Variants in HYOU1 observed in about 807,000 individuals in gnomAD.
The protein encoded by HYOU1 is hypoxia up-regulated protein 1.
A neutral mutation model predicts 120.5 loss-of-function variants in HYOU1; 40 were observed. That is an observed-to-expected ratio of 0.33 (90% confidence interval 0.26 to 0.43). The LOEUF is 0.43. HYOU1 is among the 20% of genes least tolerant of loss of function. HYOU1 has a pLI of 1.00. For synonymous variants in HYOU1, 501 were observed against 479.4 expected, an observed-to-expected ratio of 1.05 and a Z score of -0.59; for missense variants, 1,085 against 1,278.3, an observed-to-expected ratio of 0.85 and a Z score of 2.31.
rs2133573879 is a variant in HYOU1 at position 119,049,538 on chromosome 11, G to C, written c.1806+18C>G. The C allele has an allele frequency of 1.9e-6, 3 of 1,612,924 alleles. No homozygotes were observed. The highest frequency in any genetic ancestry group is 1.7e-6 in the Non-Finnish European group (2 of 1,179,114). ...CCCCACCGTCCTCCATGCTTCCCTG[G>C]CTCCATCCTGAACTCACCTGGACAG... On this transcript the variant is annotated intron_variant, in intron 16 of 25. Coordinates refer to ENST00000617285, the MANE Select transcript of HYOU1 (RefSeq NM_006389.5).
In HYOU1 at chr11:119,056,559, C is replaced by A. The variant is rs1352966329; in HGVS notation, c.-7-392G>T. 50 of 369,310 alleles carry A rather than the reference C, an allele frequency of 1.4e-4. 1 individual carries two copies. Among genetic ancestry groups the A allele is most frequent in the South Asian group, 9.9e-4 (48 of 48,318 alleles). The allele number at this position is 369,310 out of a possible 1,614,324, so 22.9% of individuals were successfully genotyped here. A position where few individuals can be genotyped will look rare whatever the true frequency, so the allele number is the denominator to read the frequency against. ...CCCAGGGCTCAACCACCTCCCCACA[C>A]CTGGAGCTCCCCCGCTGACGGGGAA... On this transcript the variant is annotated intron_variant, in intron 1 of 25. Transcript: ENST00000617285.
Position 119,055,522 on chromosome 11 carries a change from T to G in HYOU1, c.235A>C (p.Arg79=). The G allele has an allele frequency of 6.2e-7, 1 of 1,614,090 alleles. No homozygotes were observed. The highest frequency in any genetic ancestry group is 8.5e-7 in the Non-Finnish European group (1 of 1,180,014). The change falls in exon 4 of 26, where the codon AGA becomes CGA. Residue 79 remains arginine (R), a synonymous_variant. Transcript: ENST00000617285. This position sits in a 1 kb window ranked among gnomAD's most constrained non-coding sequence, Gnocchi z 4.0. ...CTTGCTGCACTGTCTCCAAAGAATC[T>G]TTCATTTTCTTTCAGGGTCACGATC... ...PVIVTLKENE[R]FFGDSAASMA...
Position 119,049,180 on chromosome 11 carries a change from C to T in HYOU1, c.1830G>A (p.Glu610=), listed in dbSNP as rs112170569. Residue 610 remains glutamate (E), a synonymous_variant, in exon 17 of 26, where the codon GAG becomes GAA. Coordinates refer to ENST00000617285, the MANE Select transcript of HYOU1 (RefSeq NM_006389.5). The part of the protein sequence containing the change: ...TVQEEEESPA[E]GSKDEPGEQV... Reference sequence around the variant, plus strand: ...GCTCCCCAGGCTCGTCCTTGCTCCCCTCTGCAGGGCTCTCCTCTTCCTCCT... The same window carrying T: ...GCTCCCCAGGCTCGTCCTTGCTCCCTTCTGCAGGGCTCTCCTCTTCCTCCT... 7 of 1,601,240 alleles carry T rather than the reference C, an allele frequency of 4.4e-6. No homozygotes were observed. Among genetic ancestry groups the T allele is most frequent in the Middle Eastern group, 1.7e-4 (1 of 5,990 alleles).
At chr11:119,056,448 C>G (rs547638914) in intron 1 of HYOU1, 1 of 516,522 alleles carries the variant, frequency 1.9e-6, no homozygotes, top group Admixed American at 2.3e-5. Context: ...GAGACCCGAG[C>G]CTTTTGTCCA....
rs1448391432 is a variant in HYOU1, at chr11:119,048,546, A to C, written c.2183T>G (p.Leu728Arg). The part of the protein sequence containing the change: ...QSVQKLQDLT[L>R]RDLEKQEREK... ...CCGTTCCTGCTTCTCCAGGTCTCGG[A>C]GTGTCAAGTCCTGAAGTCTATGGGA... Residue 728 changes from leucine to arginine, a missense_variant, in exon 19 of 26, where the codon CTC becomes CGC. By Grantham distance (102) the Leu-to-Arg change is moderately radical. Coordinates refer to ENST00000617285, the MANE Select transcript of HYOU1 (RefSeq NM_006389.5). This position sits in a 1 kb window ranked among gnomAD's most constrained non-coding sequence, Gnocchi z 4.7. 1 of 1,613,810 alleles carries C rather than the reference A, an allele frequency of 6.2e-7. No individual in the cohort carries two copies. The highest frequency in any genetic ancestry group is 8.5e-7 in the Non-Finnish European group (1 of 1,179,992).
In HYOU1 at chr11:119,051,004, C is replaced by T; in HGVS notation, c.1665+31G>A. 6.2e-7 allele frequency: 1 copy of T among 1,613,090 alleles called. No homozygotes were observed. Among genetic ancestry groups the T allele is most frequent in the Non-Finnish European group, 8.5e-7 (1 of 1,179,340 alleles). On this transcript the variant is annotated intron_variant, in intron 14 of 25. Transcript: ENST00000617285. The surrounding 1 kb of genome is among the most constrained non-coding windows in gnomAD (Gnocchi z 4.2). ...ATGGCTGGCAGGGCCTGAGCCCCTG[C>T]TCTGCACACAGGGTATCCTTTAGCT...
intron 24 of HYOU1, 83 bp from the exon 25 acceptor site, chr11:119,045,914 C>G (rs1944039531): frequency 7.4e-7 from 1 of 1,344,846 alleles, no homozygotes; most frequent in Non-Finnish European, 1.1e-6. Flanking sequence ...CCATGAAGAG[C>G]CAGCTAGTAA....
At chr11:119,050,445 C>T (rs2133578801) in intron 14 of HYOU1, among the ~76,000 whole-genome samples, 6 of 151,940 alleles carry the variant, frequency 3.9e-5, no homozygotes, top group African/African-American at 9.7e-5. Context: ...CCTGAGGCTG[C>T]GTGGCTCCCA....
In HYOU1 at chr11:119,045,166, GC is replaced by G; in HGVS notation, c.*426del. 1 of 458,266 alleles carries G rather than the reference GC, an allele frequency of 2.2e-6. No individual in the cohort carries two copies. Among genetic ancestry groups the G allele is most frequent in the South Asian group, 1.5e-5 (1 of 64,536 alleles). The allele number at this position is 458,266 out of a possible 1,614,324, so 28.4% of individuals were successfully genotyped here. ...TCTGCAGACACTGGCCTGAAAGGAT[GC>G]TCATCGCATGGTGGGAGAGGAAGGG... On this transcript the variant is annotated 3_prime_UTR_variant, in exon 26 of 26. Coordinates refer to ENST00000617285, the MANE Select transcript of HYOU1 (RefSeq NM_006389.5).
chr11:119,052,423 C>T lies in HYOU1; in HGVS notation c.994G>A (p.Gly332Ser), dbSNP rs1270726892. The T allele has an allele frequency of 5.0e-6, 8 of 1,614,202 alleles. No homozygotes were observed. In the Admixed American group the frequency reaches 1.2e-4, roughly 24 times the overall value. The change falls in exon 10 of 26, where the codon GGC becomes AGC. Residue 332 changes from glycine to serine, a missense_variant. Physicochemically the swap from Gly to Ser is moderately conservative, Grantham distance 56. Transcript: ENST00000617285. This position sits in a 1 kb window ranked among gnomAD's most constrained non-coding sequence, Gnocchi z 5.0. The part of the protein sequence containing the change: ...ANADHMAQIE[G>S]LMDDVDFKAK... The stretch of plus-strand genomic sequence containing the variant: ...TTGAAGTCCACATCATCCATCAGGC[C>T]TTCAATCTGGGAGAGGATGGGGACT...
Position 119,055,465 on chromosome 11 carries a change from A to G in HYOU1, c.264+28T>C, listed in dbSNP as rs1035045056. On this transcript the variant is annotated intron_variant, in intron 4 of 25. Coordinates refer to ENST00000617285, the MANE Select transcript of HYOU1 (RefSeq NM_006389.5). The surrounding 1 kb of genome is among the most constrained non-coding windows in gnomAD (Gnocchi z 4.0). ...TGCCATCTCCTCTCCTCTGCCCACC[A>G]CTCTGGGAAGAGGGACTGCTAGCTC... 1 of 1,605,970 alleles carries G rather than the reference A, an allele frequency of 6.2e-7. No individual in the cohort carries two copies. The highest frequency in any genetic ancestry group is 1.3e-5 in the African/African-American group (1 of 74,598).
chr11:119,055,544 G>A lies in HYOU1; in HGVS notation c.213C>T (p.Ile71=), dbSNP rs2133614064. ...ATCTTTCATTTTCTTTCAGGGTCAC[G>A]ATCACCGGTGTTTTCCTCCGAGATT... is the stretch of plus-strand genomic sequence containing the variant. ...NKESRRKTPV[I]VTLKENERFF... is the part of the protein sequence containing the mutation. The change falls in exon 4 of 26, where the codon ATC becomes ATT. Residue 71 remains isoleucine (I), a synonymous_variant. Coordinates refer to ENST00000617285, the MANE Select transcript of HYOU1 (RefSeq NM_006389.5). The surrounding 1 kb of genome is among the most constrained non-coding windows in gnomAD (Gnocchi z 4.0). 63 of 1,613,998 alleles carry A rather than the reference G, an allele frequency of 3.9e-5. No homozygotes were observed. The highest frequency in any genetic ancestry group is 1.9e-4 in the African/African-American group (14 of 74,986).
rs2133556287 is a variant in HYOU1 at position 119,047,336 on chromosome 11, C to T, written c.2595+398G>A. 7 of 223,358 alleles carry T rather than the reference C, an allele frequency of 3.1e-5. No individual in the cohort carries two copies. In the East Asian group the frequency reaches 6.1e-4, roughly 19 times the overall value. 13.8% of individuals were successfully genotyped at this position (223,358 alleles called of 1,614,324 possible). On this transcript the variant is annotated intron_variant, in intron 22 of 25. Coordinates refer to ENST00000617285, the MANE Select transcript of HYOU1 (RefSeq NM_006389.5). ...TGCTGGGATTACAGGCGTGAGCCAC[C>T]GCGCCCAGCTGAATACTCATTTCTT...
At chr11:119,053,960 TC>T in intron 8 of HYOU1, 160 bp downstream of exon 8, 1 of 567,298 alleles carries the variant, frequency 1.8e-6, no homozygotes, top group Non-Finnish European at 3.1e-6. Context: ...AGCCTCAGCT[TC>T]CCCTTACTCT....
In HYOU1 at chr11:119,049,828, C is replaced by T. The variant is rs116878385; in HGVS notation, c.1675G>A (p.Val559Ile). The change falls in exon 15 of 26, where the codon GTA (valine) becomes ATA (isoleucine). Residue 559 changes from valine (V) to isoleucine (I), a missense_variant. Around this residue, in one of 4 missense-constraint regions of HYOU1, gnomAD observed 515 missense variants for 677.8 expected, o/e 0.76. Coordinates refer to ENST00000617285, the MANE Select transcript of HYOU1 (RefSeq NM_006389.5). ...CTGTCCTCTACCAGTGTCTCAAATA[C>T]AGACTCCACCTGAAAACAGGTTCAA... ...GVLSLDRVES[V>I]FETLVEDSAE... 9.0e-4 allele frequency: 1,458 copies of T among 1,614,014 alleles called. 15 individuals carry two copies. The East Asian group carries it at 0.018, about 20-fold the overall frequency.
At position 119,045,255 on chromosome 11, in the gene HYOU1, A is replaced by T; in HGVS notation, c.*338T>A. ...CCAGCAACCTGATACCCTTCCCATC[A>T]CCGGGACCCATCAGCCACTGGCAGC... On this transcript the variant is annotated 3_prime_UTR_variant, in exon 26 of 26. Coordinates refer to ENST00000617285, the MANE Select transcript of HYOU1 (RefSeq NM_006389.5). 1 of 501,826 alleles carries T rather than the reference A, an allele frequency of 2.0e-6. No individual in the cohort carries two copies. The highest frequency in any genetic ancestry group is 3.9e-6 in the Non-Finnish European group (1 of 254,774). The allele number at this position is 501,826 out of a possible 1,614,324, so 31.1% of individuals were successfully genotyped here. A position where few individuals can be genotyped will look rare whatever the true frequency, so the allele number is the denominator to read the frequency against.
rs2133560182 is a variant in HYOU1 at position 119,047,999 on chromosome 11, C to G, written c.2458G>C (p.Glu820Gln). The stretch of plus-strand genomic sequence containing the variant: ...AGATTATCGAGGGCAGACAGCCGTT[C>G]GGGCCACTTCTTGCGCTCCTCTACC... ...FRVEERKKWP[E>Q]RLSALDNLLN... is the part of the protein sequence containing the mutation. Residue 820 changes from glutamate (E) to glutamine (Q), a missense_variant, in exon 21 of 26, where the codon GAA becomes CAA. Glu to Gln is a conservative substitution (Grantham distance 29). Transcript: ENST00000617285. 1 of 1,614,046 alleles carries G rather than the reference C, an allele frequency of 6.2e-7. No individual in the cohort carries two copies. The highest frequency in any genetic ancestry group is 2.2e-5 in the East Asian group (1 of 44,886).
intron 8 of HYOU1, chr11:119,053,038 C>T (rs949702632): frequency 1.3e-5 from 7 of 543,798 alleles, no homozygotes; most frequent in South Asian, 2.5e-5. Flanking sequence ...CTCATTCATT[C>T]GACAGTGTTT....
In HYOU1 at chr11:119,052,938, T is replaced by C. The variant is rs1011909883; in HGVS notation, c.795-109A>G. On this transcript the variant is annotated intron_variant, in intron 8 of 25. Transcript: ENST00000617285. The surrounding 1 kb of genome is among the most constrained non-coding windows in gnomAD (Gnocchi z 5.0). ...CACCTTTCCTTCATCTCAGGGGACC[T>C]TGTTCATCTCCAGTGCCCCATGTGT... The C allele has an allele frequency of 4.9e-6, 5 of 1,026,520 alleles. No individual in the cohort carries two copies. Among genetic ancestry groups the C allele is most frequent in the Non-Finnish European group, 7.0e-6 (5 of 715,074 alleles). 63.6% of individuals were successfully genotyped at this position (1,026,520 alleles called of 1,614,324 possible). A position where few individuals can be genotyped will look rare whatever the true frequency, so the allele number is the denominator to read the frequency against.
Sources: allele counts gnomAD v4.1 joint callset (sites outside exome capture counted in the v4.1 genomes callset), GRCh38; gene constraint gnomAD v4.1.1; regional missense constraint gnomAD v4.1.1; non-coding constraint Gnocchi (gnomAD v3.1); transcripts MANE v1.5; gene names NCBI Gene and HGNC (gene_info 2026-07-23, HGNC 2026-07-21).